The following ADGRL3 variants were observed in gnomAD, a reference collection of about 807,000 sequenced individuals.
ADGRL3 encodes calcium-independent alpha-latrotoxin receptor 3.
ADGRL3 carries 62 observed loss-of-function variants against 153.5 expected under a neutral mutation model. That is an observed-to-expected ratio of 0.40 (90% CI 0.33 to 0.50). The LOEUF (loss-of-function observed/expected upper bound fraction) is 0.50, where lower values mean the gene tolerates loss of function less well. Among genes scored for constraint, ADGRL3 ranks in the 20% least tolerant of loss-of-function variants. The pLI is 0.47. For missense variants in ADGRL3, 1,641 were observed against 1,859.4 expected, an observed-to-expected ratio of 0.88 and a Z score of 2.16; for synonymous variants, 710 against 672.5, an observed-to-expected ratio of 1.06 and a Z score of -0.86.
At chr4:61,684,996 T>A in intron 6 of ADGRL3, among the ~76,000 whole-genome samples, 1 of 151,816 alleles carries the variant, frequency 6.6e-6, no homozygotes, top group Non-Finnish European at 1.5e-5. Context: ...CCCTGCAACA[T>A]CCACCTCTTG....
chr4:61,384,503 A>T (rs1242147421), intron 2 of ADGRL3, among the ~76,000 whole-genome samples: 1 of 151,398 alleles, frequency 6.6e-6, no homozygotes, highest in Non-Finnish European at 1.5e-5. Context: ...TTTTCTATTT[A>T]TATGTAAAAT....
chr4:61,722,132 A>G (rs2096253513), intron 6 of ADGRL3, among the ~76,000 whole-genome samples: 1 of 152,208 alleles, frequency 6.6e-6, no homozygotes, highest in Non-Finnish European at 1.5e-5. Context: ...GAGCATTTAA[A>G]ATAAAGTAGT....
chr4:61,426,248 A>G (rs775870542), intron 2 of ADGRL3, among the ~76,000 whole-genome samples: 2 of 152,246 alleles, frequency 1.3e-5, no homozygotes, highest in Non-Finnish European at 2.9e-5. Context: ...TAAACTGCCC[A>G]TCTATTGGTG....
At chr4:62,031,399 G>C in intron 22 of ADGRL3, 43 bp from the exon 23 acceptor site, 1 of 1,479,560 alleles carries the variant, frequency 6.8e-7, no homozygotes, top group South Asian at 1.3e-5. Flanking sequence ...GTTAATTAAA[G>C]ATCAATTATT....
In ADGRL3 at chr4:62,073,340, G is replaced by C. The variant is rs1401941055; in HGVS notation, c.*2432G>C. 6.6e-6 allele frequency: 1 copy of C among 152,034 alleles called. No individual in the cohort carries two copies. Among genetic ancestry groups the C allele is most frequent in the Admixed American group, 6.6e-5 (1 of 15,256 alleles). The allele number at this position is 152,034 out of a possible 1,614,324, so 9.4% of individuals were successfully genotyped here. ...TTAAGTCTACAGATTTTATGTTAGA[G>C]GAGAATCACAAGCGTTAATGATAAT... On this transcript the variant is annotated 3_prime_UTR_variant, in exon 27 of 27. Coordinates refer to ENST00000683033, the MANE Select transcript of ADGRL3 (RefSeq NM_001387552.1).
Position 61,383,110 on chromosome 4 carries a change from T to G in ADGRL3, c.-239-14T>G, listed in dbSNP as rs1331953885. 6.6e-6 allele frequency: 1 copy of G among 151,768 alleles called. No homozygotes were observed. The highest frequency in any genetic ancestry group is 6.6e-5 in the Admixed American group (1 of 15,204). The allele number at this position is 151,768 out of a possible 1,614,324, so 9.4% of individuals were successfully genotyped here. A position where few individuals can be genotyped will look rare whatever the true frequency, so the allele number is the denominator to read the frequency against. On this transcript the variant is annotated splice_polypyrimidine_tract_variant and intron_variant, in intron 1 of 26. Transcript: ENST00000683033. Reference sequence around the variant, plus strand: ...TCTCATAATCAAATTAAATATTTTTTTCTTTTTTTTCAGAAATGTTTAATT... The same window carrying G: ...TCTCATAATCAAATTAAATATTTTTGTCTTTTTTTTCAGAAATGTTTAATT...
intron 18 of ADGRL3, 141 bp downstream of exon 18, chr4:61,979,913 G>T (rs2099061659): frequency 1.4e-6 from 1 of 715,506 alleles, no homozygotes; most frequent in African/African-American, 1.8e-5. Flanking sequence ...GCCTTACTCA[G>T]TTTTCCATTT....
chr4:61,744,028 T>C (rs1032340167), intron 8 of ADGRL3, among the ~76,000 whole-genome samples: 15 of 152,100 alleles, frequency 9.9e-5, no homozygotes, highest in Non-Finnish European at 1.8e-4. Context: ...GCTTTTCCGA[T>C]GGGCTTAAAA....
intron 8 of ADGRL3, among the ~76,000 whole-genome samples, chr4:61,783,283 C>G (rs944035119): frequency 2.0e-5 from 3 of 152,106 alleles, no homozygotes; most frequent in African/African-American, 7.2e-5. Flanking sequence ...TGTCATGCCA[C>G]CATCAGCAGT....
At chr4:61,240,770 T>G (rs149955547) in intron 1 of ADGRL3, among the ~76,000 whole-genome samples, 108 of 152,232 alleles carry the variant, frequency 7.1e-4, no homozygotes, top group East Asian at 7.0e-3. Context: ...GATGTAATTT[T>G]TTGTTTATGC....
intron 5 of ADGRL3, among the ~76,000 whole-genome samples, chr4:61,674,345 A>G (rs2150857306): frequency 6.6e-6 from 1 of 151,828 alleles, no homozygotes; most frequent in South Asian, 2.1e-4. Context: ...ATGAGTAGTA[A>G]GCTGATCTGT....
At chr4:61,593,163 T>C (rs1223215395) in intron 5 of ADGRL3, among the ~76,000 whole-genome samples, 1 of 152,204 alleles carries the variant, frequency 6.6e-6, no homozygotes, top group Non-Finnish European at 1.5e-5. Flanking sequence ...CCTCCCACTT[T>C]TTAACATTTT....
At chr4:62,020,756 CA>C (rs2099234039) in intron 21 of ADGRL3, among the ~76,000 whole-genome samples, 1 of 151,970 alleles carries the variant, frequency 6.6e-6, no homozygotes, top group South Asian at 2.1e-4. Context: ...GCTTTATAGT[CA>C]AATGATTGCA....
intron 3 of ADGRL3, among the ~76,000 whole-genome samples, chr4:61,500,948 T>C (rs10008278): frequency 0.076 from 11,521 of 152,118 alleles, 470 homozygotes; most frequent in Middle Eastern, 0.13. Context: ...GCAGTAGATA[T>C]CCAATTCCTA....
intron 5 of ADGRL3, among the ~76,000 whole-genome samples, chr4:61,629,210 A>C (rs2093008062): frequency 6.6e-6 from 1 of 152,174 alleles, no homozygotes; most frequent in Non-Finnish European, 1.5e-5. Flanking sequence ...AACCTGGAAC[A>C]TTTGCAAATA....
At chr4:61,235,018 C>T (rs1752281008) in intron 1 of ADGRL3, among the ~76,000 whole-genome samples, 1 of 152,132 alleles carries the variant, frequency 6.6e-6, no homozygotes, top group Non-Finnish European at 1.5e-5. Context: ...GAAAACCAAC[C>T]AAATAAGGTC....
At chr4:61,383,999 C>T (rs2096705456) in intron 2 of ADGRL3, among the ~76,000 whole-genome samples, 2 of 151,700 alleles carry the variant, frequency 1.3e-5, no homozygotes, top group South Asian at 2.1e-4. Context: ...TCTTATTGGT[C>T]TTCATATTAA....
chr4:61,938,075 T>C (rs933128944), intron 15 of ADGRL3, among the ~76,000 whole-genome samples: 14 of 151,992 alleles, frequency 9.2e-5, no homozygotes, highest in Non-Finnish European at 2.1e-4. Flanking sequence ...TTTTTGTTTG[T>C]GAAAGTCACA....
At chr4:61,770,192 GT>G (rs2097066773) in intron 8 of ADGRL3, among the ~76,000 whole-genome samples, 1 of 152,218 alleles carries the variant, frequency 6.6e-6, no homozygotes, top group Admixed American at 6.5e-5. Flanking sequence ...AATGGGACAA[GT>G]TAGGGTTACC....
Sources: gnomAD v4.1 joint callset for allele counts (sites outside exome capture counted in the v4.1 genomes callset) on GRCh38, gnomAD v4.1.1 for gene constraint, MANE v1.5 for transcripts, NCBI Gene and HGNC (gene_info 2026-07-23, HGNC 2026-07-21) for gene names.